Variants in PALB2 observed in about 807,000 individuals in gnomAD.
The protein encoded by PALB2 is mutant partner and localizer of BRCA2.
PALB2 carries 82 observed loss-of-function variants against 107.4 expected under a neutral mutation model. The ratio of observed to expected loss-of-function variants is 0.76; its 90% confidence interval spans 0.64 to 0.92. The LOEUF (loss-of-function observed/expected upper bound fraction) is 0.92, where lower values mean the gene tolerates loss of function less well. Among genes scored for constraint, PALB2 ranks in the 40% least tolerant of loss-of-function variants. The pLI is 0.00. For missense variants in PALB2, 1,374 were observed against 1,379.9 expected (o/e 1.00, Z 0.07); for synonymous variants, 489 against 496.8 (o/e 0.98, Z 0.21).
In PALB2 at chr16:23,629,267, TGTTTCAGTCTGTGAAAACAAAAGTC is replaced by T; in HGVS notation, c.2515-17_2522del. On this transcript the variant is annotated splice_acceptor_variant and splice_polypyrimidine_tract_variant and coding_sequence_variant and intron_variant, in exon 6 of 13. Coordinates refer to ENST00000261584, the MANE Select transcript of PALB2 (RefSeq NM_024675.4). LOFTEE classifies it high-confidence loss of function. ...TGCTATCAGAAGCAGGAAGCTCTGCTGTTTCAGTCTGTGAAAACAAAAGTCACATCATTAGTCTACACTTTATGTA... is the reference window on the plus strand; with the variant it reads ...TGCTATCAGAAGCAGGAAGCTCTGCTACATCATTAGTCTACACTTTATGTA... 6.2e-7 allele frequency: 1 copy of T among 1,613,480 alleles called. No homozygotes were observed. The highest frequency in any genetic ancestry group is 8.5e-7 in the Non-Finnish European group (1 of 1,179,864).
At position 23,639,229 on chromosome 16, in the gene PALB2, A is replaced by T. The variant is rs187060793; in HGVS notation, c.49-1100T>A. 2.1e-3 allele frequency among the ~76,000 whole-genome samples: 317 copies of T among 151,986 alleles called. 2 individuals carry two copies. The highest frequency in any genetic ancestry group is 6.4e-3 in the African/African-American group (266 of 41,466). The stretch of plus-strand genomic sequence containing the variant: ...TCCATCCTCCATACATGCCTTTTTT[A>T]AAAAAAAGAAAAGACCTACTCAGCT... On this transcript the variant is annotated intron_variant, in intron 1 of 12. Transcript: ENST00000261584.
chr16:23,611,738 G>A (rs541067417), intron 11 of PALB2, among the ~76,000 whole-genome samples: 16 of 152,238 alleles, frequency 1.1e-4, no homozygotes, highest in Admixed American at 8.5e-4. Context: ...GATTACAGGC[G>A]TGAGCCACTG....
intron 11 of PALB2, among the ~76,000 whole-genome samples, chr16:23,610,202 G>C (rs891476058): frequency 3.3e-5 from 5 of 152,108 alleles, no homozygotes; most frequent in Non-Finnish European, 7.3e-5. Context: ...ATGTAAAACA[G>C]AGATTGTAAG....
At chr16:23,612,407 C>A (rs535848422) in intron 11 of PALB2, among the ~76,000 whole-genome samples, 9 of 151,560 alleles carry the variant, frequency 5.9e-5, no homozygotes, top group African/African-American at 2.2e-4. Flanking sequence ...TTAGTAGAGA[C>A]GGGGTTTTAC....
intron 7 of PALB2, among the ~76,000 whole-genome samples, chr16:23,624,490 A>T (rs1966833231): frequency 6.6e-6 from 1 of 152,336 alleles, no homozygotes; most frequent in Non-Finnish European, 1.5e-5. Flanking sequence ...AGGTATATTC[A>T]AGTATGAAGA....
At chr16:23,630,549 T>G in intron 4 of PALB2, 80 bp from the exon 5 acceptor site, 3 of 1,086,048 alleles carry the variant, frequency 2.8e-6, no homozygotes, top group Non-Finnish European at 4.1e-6. Context: ...ACAAAGAGAA[T>G]AGGATCTCCT....
At chr16:23,609,812 G>A (rs546054) in intron 11 of PALB2, among the ~76,000 whole-genome samples, 1 of 151,976 alleles carries the variant, frequency 6.6e-6, no homozygotes, top group Non-Finnish European at 1.5e-5. Context: ...CACCGCGCCT[G>A]GCCACCCAAC....
intron 1 of PALB2, among the ~76,000 whole-genome samples, chr16:23,639,653 C>G (rs932723505): frequency 6.6e-6 from 1 of 151,764 alleles, no homozygotes; most frequent in African/African-American, 2.4e-5. Flanking sequence ...AACCCTGTCT[C>G]TACTAAAAAT....
Position 23,635,983 on chromosome 16 carries a change from G to A in PALB2, c.563C>T (p.Ala188Val), listed in dbSNP as rs587781975. 1 of 1,614,102 alleles carries A rather than the reference G, an allele frequency of 6.2e-7. No individual in the cohort carries two copies. Among genetic ancestry groups the A allele is most frequent in the Non-Finnish European group, 8.5e-7 (1 of 1,180,022 alleles). ...TCTTATTTCAGTTACTGGTGATCTAGCAGGATTTTTGCTACTGATTTCTTC... is the reference window on the plus strand; with the variant it reads ...TCTTATTTCAGTTACTGGTGATCTAACAGGATTTTTGCTACTGATTTCTTC... Reference protein sequence around the residue: ...EQEEISSKNPARSPVTEIRTH... With the variant: ...EQEEISSKNPVRSPVTEIRTH... Residue 188 changes from alanine (A) to valine (V), a missense_variant, in exon 4 of 13, where the codon GCT becomes GTT. Ala to Val is a moderately conservative substitution (Grantham distance 64). Transcript: ENST00000261584.
At chr16:23,640,037 T>C (rs939443939) in intron 1 of PALB2, among the ~76,000 whole-genome samples, 1 of 152,122 alleles carries the variant, frequency 6.6e-6, no homozygotes, top group Middle Eastern at 3.4e-3. Context: ...GACTACAGGC[T>C]GGCGTCACCA....
At chr16:23,607,070 A>G (rs112216776) in intron 12 of PALB2, among the ~76,000 whole-genome samples, 3,861 of 152,128 alleles carry the variant, frequency 0.025, 69 homozygotes, top group Middle Eastern at 0.088. Flanking sequence ...CAGCCTCCCA[A>G]TTGCTGGGAT....
chr16:23,641,013 C>T, intron 1 of PALB2, 97 bp downstream of exon 1: 1 of 1,400,462 alleles, frequency 7.1e-7, no homozygotes, highest in Non-Finnish European at 9.9e-7. Context: ...TCAGATGATA[C>T]TGCTGCCCTC....
chr16:23,605,904 C>T (rs1013873071), intron 12 of PALB2: 1 of 152,240 alleles, frequency 6.6e-6, no homozygotes, highest in African/African-American at 2.4e-5. Context: ...GGGCTCTCAC[C>T]AGACAGTGAA....
chr16:23,622,099 A>G (rs1966782761), intron 9 of PALB2, among the ~76,000 whole-genome samples: 1 of 152,218 alleles, frequency 6.6e-6, no homozygotes, highest in Admixed American at 6.5e-5. Flanking sequence ...TTTTTAGAAG[A>G]TACATGAATA....
chr16:23,637,963 C>T lies in PALB2; in HGVS notation c.109-11G>A. On this transcript the variant is annotated splice_polypyrimidine_tract_variant and intron_variant, in intron 2 of 12. Coordinates refer to ENST00000261584, the MANE Select transcript of PALB2 (RefSeq NM_024675.4). ...AGCTCTTTGGGCACGCTAGAGGAGA[C>T]AAAAACAGCCCCAGAAATACGTTTT... The T allele has an allele frequency of 6.2e-7, 1 of 1,610,092 alleles. No individual in the cohort carries two copies.
rs2142367431 is a variant in PALB2 at position 23,629,184 on chromosome 16, G to A, written c.2586+20C>T. On this transcript the variant is annotated intron_variant, in intron 6 of 12. Transcript: ENST00000261584. ...TTCATATGTAAGACACGAGACACTG[G>A]AAGAGAATATTCTTCTGACCTTTAA... 8 of 1,587,166 alleles carry A rather than the reference G, an allele frequency of 5.0e-6. No individual in the cohort carries two copies. Among genetic ancestry groups the A allele is most frequent in the Non-Finnish European group, 6.9e-6 (8 of 1,156,228 alleles).
chr16:23,615,336 G>A (rs1005667685), intron 10 of PALB2, among the ~76,000 whole-genome samples: 2 of 151,934 alleles, frequency 1.3e-5, no homozygotes, highest in East Asian at 1.9e-4. Flanking sequence ...TTAGGGTCTC[G>A]CTCCATTGCC....
At chr16:23,612,550 A>C (rs1265411874) in intron 11 of PALB2, among the ~76,000 whole-genome samples, 5 of 133,716 alleles carry the variant, frequency 3.7e-5, no homozygotes, top group Non-Finnish European at 7.8e-5. Context: ...TTTTTGAGAC[A>C]GGTTCCCACT....
chr16:23,630,351 C>G lies in PALB2; in HGVS notation c.1803G>C (p.Lys601Asn), dbSNP rs1555460643. ...TGATACTGAGAAAAGACAGTAGTTG[C>G]TTTAAACTCAGCATTCCATCCCTAT... ...PFHRDGMLSL[K>N]QLLSFLSITD... is the part of the protein sequence containing the mutation. Residue 601 changes from lysine (K) to asparagine (N), a missense_variant, in exon 5 of 13, where the codon AAG becomes AAC. Transcript: ENST00000261584. 6.2e-7 allele frequency: 1 copy of G among 1,614,014 alleles called. No individual in the cohort carries two copies. The highest frequency in any genetic ancestry group is 1.3e-5 in the African/African-American group (1 of 74,910).
Sources: gnomAD v4.1 joint callset for allele counts (sites outside exome capture counted in the v4.1 genomes callset) on GRCh38, gnomAD v4.1.1 for gene constraint, MANE v1.5 for transcripts, NCBI Gene and HGNC (gene_info 2026-07-23, HGNC 2026-07-21) for gene names.